Variants in ME1 observed in about 807,000 individuals in gnomAD.
ME1 encodes NADP-dependent malic enzyme.
ME1 carries 74 observed loss-of-function variants against 66.4 expected under a neutral mutation model. The observed-to-expected ratio is 1.11, with a 90% confidence interval of 0.92 to 1.35. The LOEUF is 1.35. ME1 is among the 40% of genes most tolerant of loss of function. The probability of loss-of-function intolerance (pLI) is 0.00; values close to 1 mark genes in which losing one functional copy is unlikely to be tolerated. For missense variants in ME1, 750 were observed against 694.1 expected (o/e 1.08, Z -0.90); for synonymous variants, 251 against 235.6 (o/e 1.07, Z -0.60).
At chr6:83,275,677 G>GA (rs1767165694) in intron 6 of ME1, among the ~76,000 whole-genome samples, 3 of 149,012 alleles carry the variant, frequency 2.0e-5, no homozygotes, top group Non-Finnish European at 4.4e-5. Context: ...GTGTTAGCCA[G>GA]GATGGTCTCG....
intron 6 of ME1, among the ~76,000 whole-genome samples, chr6:83,312,943 G>C (rs1033705646): frequency 3.9e-5 from 6 of 152,062 alleles, no homozygotes; most frequent in Non-Finnish European, 8.8e-5. Context: ...TTTTAGTAGA[G>C]ACAGGGTTTC....
chr6:83,417,688 TTAA>T (rs1400827857), intron 1 of ME1, among the ~76,000 whole-genome samples: 2 of 152,172 alleles, frequency 1.3e-5, no homozygotes, highest in Non-Finnish European at 2.9e-5. Context: ...CCAACTTTTT[TTAA>T]TAACATGAAC....
intron 3 of ME1, among the ~76,000 whole-genome samples, chr6:83,382,090 C>G (rs1275005324): frequency 1.3e-5 from 2 of 151,842 alleles, no homozygotes; most frequent in Admixed American, 6.6e-5. Flanking sequence ...AAGCGGCAGC[C>G]TAAACTATCT....
intron 6 of ME1, among the ~76,000 whole-genome samples, chr6:83,300,025 G>C (rs181857028): frequency 1.3e-5 from 2 of 151,968 alleles, no homozygotes; most frequent in Non-Finnish European, 2.9e-5. Flanking sequence ...AAGGATTTTC[G>C]CATCAATGTT....
chr6:83,359,930 G>A (rs914405823), intron 3 of ME1, among the ~76,000 whole-genome samples: 2 of 152,300 alleles, frequency 1.3e-5, no homozygotes, highest in Admixed American at 6.5e-5. Flanking sequence ...ACCTTCAAAC[G>A]CAAGGTGGGT....
At chr6:83,268,600 T>C (rs976599681) in intron 6 of ME1, among the ~76,000 whole-genome samples, 5 of 151,892 alleles carry the variant, frequency 3.3e-5, no homozygotes, top group Admixed American at 6.6e-5. Context: ...GAGTCTCACT[T>C]TGTCACCCAG....
intron 1 of ME1, among the ~76,000 whole-genome samples, chr6:83,413,400 TTTC>T (rs1480254336): frequency 1.3e-5 from 2 of 152,180 alleles, no homozygotes; most frequent in African/African-American, 2.4e-5. Context: ...ATGAAAATTT[TTTC>T]TTAATTTTTT....
At chr6:83,364,079 G>C (rs1199838585) in intron 3 of ME1, among the ~76,000 whole-genome samples, 1 of 152,086 alleles carries the variant, frequency 6.6e-6, no homozygotes, top group African/African-American at 2.4e-5. Context: ...GTGTCTGTGA[G>C]GGTGTTGCCA....
At chr6:83,427,890 T>A (rs1770402773) in intron 1 of ME1, among the ~76,000 whole-genome samples, 1 of 151,800 alleles carries the variant, frequency 6.6e-6, no homozygotes. Context: ...CACATGCCTG[T>A]AATCTCAGCT....
chr6:83,234,606 C>A (rs1311182675), intron 9 of ME1, among the ~76,000 whole-genome samples: 1 of 152,104 alleles, frequency 6.6e-6, no homozygotes, highest in Non-Finnish European at 1.5e-5. Flanking sequence ...TCCTAAATAC[C>A]TACTGAATTA....
chr6:83,423,615 A>G (rs551757846), intron 1 of ME1, among the ~76,000 whole-genome samples: 1 of 152,174 alleles, frequency 6.6e-6, no homozygotes, highest in Admixed American at 6.5e-5. Context: ...ATGGGGTAAC[A>G]TGATGAAATT....
rs547372361 is a variant in ME1, at chr6:83,216,086, C to T, written c.1548+412G>A. Among the ~76,000 whole-genome samples the T allele has an allele frequency of 2.6e-5, 4 of 152,284 alleles. No individual in the cohort carries two copies. The South Asian group carries it at 8.3e-4, about 32-fold the overall frequency. The stretch of plus-strand genomic sequence containing the variant: ...GTGATCTGTCATTTATGATGCCACA[C>T]ATCATAGTGACATGGATATGGAAGG... On this transcript the variant is annotated intron_variant, in intron 13 of 13. Transcript: ENST00000369705.
intron 9 of ME1, among the ~76,000 whole-genome samples, chr6:83,230,276 A>G (rs1193997821): frequency 2.6e-5 from 4 of 151,984 alleles, no homozygotes; most frequent in Non-Finnish European, 4.4e-5. Flanking sequence ...TCCCGGGTTA[A>G]AGCTATTCTC....
intron 9 of ME1, among the ~76,000 whole-genome samples, chr6:83,232,181 C>T (rs1790320718): frequency 6.6e-6 from 1 of 152,186 alleles, no homozygotes; most frequent in Non-Finnish European, 1.5e-5. Flanking sequence ...CCCAGTTGGA[C>T]TACCTACCCC....
chr6:83,355,989 CA>C (rs1267696029), intron 3 of ME1, among the ~76,000 whole-genome samples: 1 of 151,996 alleles, frequency 6.6e-6, no homozygotes, highest in Non-Finnish European at 1.5e-5. Context: ...GATGCTTTTT[CA>C]TATATATAGT....
intron 6 of ME1, among the ~76,000 whole-genome samples, chr6:83,302,993 G>C (rs1462692453): frequency 6.6e-6 from 1 of 152,084 alleles, no homozygotes; most frequent in Non-Finnish European, 1.5e-5. Context: ...TGGTGAAGTT[G>C]GGTTATGATT....
At chr6:83,225,808 TTATATATATATATA>T (rs57577563) in intron 11 of ME1, among the ~76,000 whole-genome samples, 7 of 138,018 alleles carry the variant, frequency 5.1e-5, no homozygotes, top group East Asian at 4.1e-4. Flanking sequence ...GCCTGTAACA[TTATATATATATATA>T]TATATATATA....
At position 83,223,912 on chromosome 6, in the gene ME1, C is replaced by T. The variant is rs1790139044; in HGVS notation, c.1297G>A (p.Gly433Ser). The change falls in exon 12 of 14, where the codon GGC becomes AGC. Residue 433 changes from glycine to serine, a missense_variant. By Grantham distance (56) the Gly-to-Ser change is moderately conservative (BLOSUM62 0). Coordinates refer to ENST00000369705, the MANE Select transcript of ME1 (RefSeq NM_002395.6). Reference sequence around the variant, plus strand: ...AGAGTGACTGGATCAAAAGGACTGCCACTGGCAAAAATTGCACGTCCCTAC... The same window carrying T: ...AGAGTGACTGGATCAAAAGGACTGCTACTGGCAAAAATTGCACGTCCCTAC... ...ITKGRAIFAS[G>S]SPFDPVTLPN... 3 of 1,613,602 alleles carry T rather than the reference C, an allele frequency of 1.9e-6. No individual in the cohort carries two copies. Among genetic ancestry groups the T allele is most frequent in the African/African-American group, 1.3e-5 (1 of 74,894 alleles).
chr6:83,393,179 G>T (rs1769658409), intron 3 of ME1: 7 of 1,229,272 alleles, frequency 5.7e-6, no homozygotes, highest in Non-Finnish European at 8.4e-6. Context: ...ATGACACCAA[G>T]AAGGTGGTGA....
Sources: allele counts gnomAD v4.1 joint callset (sites outside exome capture counted in the v4.1 genomes callset), GRCh38; gene constraint gnomAD v4.1.1; transcripts MANE v1.5; gene names NCBI Gene and HGNC (gene_info 2026-07-23, HGNC 2026-07-21).